The following NPHP4 variants were observed in gnomAD, a reference collection of about 807,000 sequenced individuals.
NPHP4 encodes the protein nephrocystin-4.
In NPHP4, 151 loss-of-function variants were observed where a neutral mutation model predicts 155.8. The observed-to-expected ratio is 0.97, with a 90% CI of 0.85 to 1.11. The LOEUF is 1.11. NPHP4 is among the 50% of genes least tolerant of loss of function. The pLI is 0.00. For synonymous variants in NPHP4, 845 were observed against 816.8 expected (o/e 1.03, Z -0.59); for missense variants, 1,956 against 1,925.7 (o/e 1.02, Z -0.29).
chr1:5,898,339 C>G (rs377520843), intron 16 of NPHP4, among the ~76,000 whole-genome samples: 1 of 152,176 alleles, frequency 6.6e-6, no homozygotes, highest in Admixed American at 6.5e-5. Context: ...GCAGAGCCCC[C>G]CAAAAAGTGT....
intron 7 of NPHP4, among the ~76,000 whole-genome samples, chr1:5,949,578 C>T (rs962962237): frequency 6.6e-6 from 1 of 151,994 alleles, no homozygotes; most frequent in Non-Finnish European, 1.5e-5. Flanking sequence ...GGGCTGAGCA[C>T]CCGGGAGGAA....
chr1:5,923,029 T>G (rs190260523), intron 11 of NPHP4, among the ~76,000 whole-genome samples: 1 of 152,232 alleles, frequency 6.6e-6, no homozygotes. Context: ...CCCTGGAATA[T>G]ATCCTAAAAG....
rs890307614 is a variant in NPHP4 at position 5,937,465 on chromosome 1, C to T, written c.1120-4136G>A. ...AGACGAAGGTGAAAACATCACATTA[C>T]TTCACGAGCTTCATTTTGTTTAGAT... On this transcript the variant is annotated intron_variant, in intron 9 of 29. Coordinates refer to ENST00000378156, the MANE Select transcript of NPHP4 (RefSeq NM_015102.5). Among the ~76,000 whole-genome samples, 3 of 152,258 alleles carry T rather than the reference C, an allele frequency of 2.0e-5. No individual in the cohort carries two copies. The East Asian group carries it at 5.8e-4, about 29-fold the overall frequency.
chr1:5,970,105 C>A (rs537444598), intron 3 of NPHP4, among the ~76,000 whole-genome samples: 1 of 152,318 alleles, frequency 6.6e-6, no homozygotes, highest in East Asian at 1.9e-4. Context: ...GAGACTCAAA[C>A]CCCTCTCTGC....
chr1:5,908,853 G>A (rs922275271), intron 12 of NPHP4, among the ~76,000 whole-genome samples: 10 of 152,198 alleles, frequency 6.6e-5, no homozygotes, highest in East Asian at 3.9e-4. Context: ...AGCAAAGGCC[G>A]TCCAGTCCTG....
chr1:5,881,975 G>A (rs72630607), intron 18 of NPHP4: 31,308 of 152,286 alleles, frequency 0.21, 3,328 homozygotes, highest in Non-Finnish European at 0.23. Flanking sequence ...CTGGCTCAGC[G>A]CCATCCCTGG....
At chr1:5,953,201 G>C (rs1648526537) in intron 6 of NPHP4, among the ~76,000 whole-genome samples, 2 of 152,174 alleles carry the variant, frequency 1.3e-5, no homozygotes, top group Admixed American at 1.3e-4. Context: ...CCGCCTCCAG[G>C]TTCAAGCCAT....
At chr1:5,919,188 T>C (rs1037546470) in intron 11 of NPHP4, among the ~76,000 whole-genome samples, 3 of 152,260 alleles carry the variant, frequency 2.0e-5, no homozygotes, top group Non-Finnish European at 2.9e-5. Context: ...AGAAAAAGTT[T>C]GCTGACCTCT....
At chr1:5,936,393 GCACAAGCAGAGT>G (rs1646541097) in intron 9 of NPHP4, among the ~76,000 whole-genome samples, 1 of 152,154 alleles carries the variant, frequency 6.6e-6, no homozygotes, top group Non-Finnish European at 1.5e-5. Context: ...AGAAGGCCAA[GCACAAGCAGAGT>G]CACAGTGAGT....
intron 25 of NPHP4, 46 bp downstream of exon 25, chr1:5,866,984 C>T: frequency 6.8e-7 from 1 of 1,465,950 alleles, no homozygotes; most frequent in Non-Finnish European, 9.5e-7. Flanking sequence ...GGGGCGCAGA[C>T]TCACTGGGAA....
Position 5,890,860 on chromosome 1 carries a change from G to C in NPHP4, c.2304+8C>G. On this transcript the variant is annotated splice_region_variant and intron_variant, in intron 17 of 29. Coordinates refer to ENST00000378156, the MANE Select transcript of NPHP4 (RefSeq NM_015102.5). The surrounding 1 kb of genome is among the most constrained non-coding windows in gnomAD (Gnocchi z 4.9). ...CCCACTGTGCCTGTCCTTCCAGAGA[G>C]CCGCTACCTTCATCTGGACGGCAGC... 1 of 1,605,974 alleles carries C rather than the reference G, an allele frequency of 6.2e-7. No individual in the cohort carries two copies.
rs916555341 is a variant in NPHP4 at position 5,889,475 on chromosome 1, C to T, written c.2304+1393G>A. On this transcript the variant is annotated intron_variant, in intron 17 of 29. Transcript: ENST00000378156. The surrounding 1 kb of genome is among the most constrained non-coding windows in gnomAD (Gnocchi z 4.2). ...AACGGCACTTGTTTAAGGGGCTCTT[C>T]GTGTAGGGGGAGATCAAATGGCTTC... Among the ~76,000 whole-genome samples, 1 of 152,166 alleles carries T rather than the reference C, an allele frequency of 6.6e-6. No homozygotes were observed. Among genetic ancestry groups the T allele is most frequent in the Admixed American group, 6.5e-5 (1 of 15,280 alleles).
At chr1:5,912,842 C>A (rs1039743124) in intron 11 of NPHP4, among the ~76,000 whole-genome samples, 7 of 152,188 alleles carry the variant, frequency 4.6e-5, no homozygotes, top group African/African-American at 1.7e-4. Context: ...TCCGTTCTCA[C>A]CCCTGCGGCA....
chr1:5,954,171 C>T (rs552476500), intron 6 of NPHP4, among the ~76,000 whole-genome samples: 12 of 152,144 alleles, frequency 7.9e-5, no homozygotes, highest in South Asian at 2.1e-4. Flanking sequence ...GATTTATGTG[C>T]AAGAATATTC....
intron 19 of NPHP4, among the ~76,000 whole-genome samples, chr1:5,878,514 G>C (rs1042129153): frequency 6.6e-6 from 1 of 152,230 alleles, no homozygotes; most frequent in African/African-American, 2.4e-5. Flanking sequence ...AAACCAGAAA[G>C]AAAGTTACAG....
At chr1:5,896,874 G>A (rs868799948) in intron 16 of NPHP4, among the ~76,000 whole-genome samples, 1 of 152,154 alleles carries the variant, frequency 6.6e-6, no homozygotes, top group South Asian at 2.1e-4. Context: ...ATCAGAGCCG[G>A]TGAAAGGCCG....
At chr1:5,935,491 C>T (rs186435971) in intron 9 of NPHP4, among the ~76,000 whole-genome samples, 299 of 152,348 alleles carry the variant, frequency 2.0e-3, no homozygotes, top group Non-Finnish European at 3.2e-3. Context: ...TCCTGTTCCC[C>T]ATCCAGTTAG....
intron 16 of NPHP4, among the ~76,000 whole-genome samples, chr1:5,891,531 G>A (rs1008074817): frequency 3.9e-5 from 6 of 152,330 alleles, no homozygotes; most frequent in South Asian, 2.1e-4. Context: ...GGCTCCTCCC[G>A]TGCGGTCTGC....
At chr1:5,965,972 G>A (rs1651433616) in intron 5 of NPHP4, among the ~76,000 whole-genome samples, 1 of 152,080 alleles carries the variant, frequency 6.6e-6, no homozygotes, top group South Asian at 2.1e-4. Flanking sequence ...TAAACACGCA[G>A]GACTCCTCCT....
Sources: allele counts gnomAD v4.1 joint callset (sites outside exome capture counted in the v4.1 genomes callset), GRCh38; gene constraint gnomAD v4.1.1; non-coding constraint Gnocchi (gnomAD v3.1); transcripts MANE v1.5; gene names NCBI Gene and HGNC (gene_info 2026-07-23, HGNC 2026-07-21).